Variants in FBXL7 observed in about 807,000 individuals in gnomAD.
FBXL7 encodes the protein F-box and leucine rich repeat protein 7.
FBXL7 carries 12 observed loss-of-function variants against 38.3 expected under a neutral mutation model. That is an observed-to-expected ratio of 0.31 (90% confidence interval 0.20 to 0.51). FBXL7 has a LOEUF of 0.51. FBXL7 is among the 20% of genes least tolerant of loss of function. The probability of loss-of-function intolerance (pLI) is 0.98; values close to 1 mark genes in which losing one functional copy is unlikely to be tolerated. For missense variants in FBXL7, 567 were observed against 676.4 expected (o/e 0.84, Z 1.79); for synonymous variants, 297 against 300.9 (o/e 0.99, Z 0.13).
At chr5:15,583,993 C>T (rs1236833074) in intron 1 of FBXL7, among the ~76,000 whole-genome samples, 1 of 152,186 alleles carries the variant, frequency 6.6e-6, no homozygotes, top group Admixed American at 6.5e-5. Flanking sequence ...TTCTCTGCAC[C>T]CACAGGCTCA....
intron 2 of FBXL7, among the ~76,000 whole-genome samples, chr5:15,836,380 T>A (rs1229858783): frequency 6.6e-6 from 1 of 152,074 alleles, no homozygotes; most frequent in African/African-American, 2.4e-5. Context: ...ATGAGAGCTA[T>A]ACAGAACAAA....
rs574753477 is a variant in FBXL7, at chr5:15,930,285, A to C, written c.739+1784A>C. Among the ~76,000 whole-genome samples, 3 of 152,306 alleles carry C rather than the reference A, an allele frequency of 2.0e-5. No individual in the cohort carries two copies. The East Asian group carries it at 5.8e-4, about 29-fold the overall frequency. ...AAAACTTTGTGATTTAGAAAAGTTC[A>C]CAGCTTTTTCTAGATGTGTTTCCTC... On this transcript the variant is annotated intron_variant, in intron 3 of 3. Transcript: ENST00000504595.
At chr5:15,714,923 T>C (rs969179606) in intron 2 of FBXL7, among the ~76,000 whole-genome samples, 3 of 149,238 alleles carry the variant, frequency 2.0e-5, no homozygotes, top group Non-Finnish European at 4.4e-5. Context: ...AGTAGAGAGA[T>C]TGGAGGTGCT....
intron 2 of FBXL7, among the ~76,000 whole-genome samples, chr5:15,802,374 C>A (rs1234170748): frequency 1.3e-5 from 2 of 151,788 alleles, no homozygotes; most frequent in Admixed American, 6.6e-5. Context: ...TGTATGACCA[C>A]CCCCACCCCG....
At chr5:15,901,768 A>T (rs892688020) in intron 2 of FBXL7, among the ~76,000 whole-genome samples, 1 of 152,186 alleles carries the variant, frequency 6.6e-6, no homozygotes, top group Admixed American at 6.5e-5. Flanking sequence ...ATACTCATTC[A>T]TGAGTGTTAA....
intron 1 of FBXL7, among the ~76,000 whole-genome samples, chr5:15,528,885 A>C (rs1737332361): frequency 6.6e-6 from 1 of 152,238 alleles, no homozygotes; most frequent in Non-Finnish European, 1.5e-5. Context: ...GGAATAGCTA[A>C]ATCAAGCTAA....
At chr5:15,540,128 C>T (rs1425467717) in intron 1 of FBXL7, among the ~76,000 whole-genome samples, 1 of 152,112 alleles carries the variant, frequency 6.6e-6, no homozygotes, top group Non-Finnish European at 1.5e-5. Flanking sequence ...CATGCAAAAG[C>T]TCATGAGTCA....
chr5:15,798,218 T>C (rs566051460), intron 2 of FBXL7, among the ~76,000 whole-genome samples: 3 of 152,288 alleles, frequency 2.0e-5, no homozygotes, highest in Admixed American at 2.0e-4. Flanking sequence ...AGCAAACATA[T>C]CTGTCTTGAA....
At chr5:15,745,977 TGA>T (rs1320958790) in intron 2 of FBXL7, among the ~76,000 whole-genome samples, 1 of 152,066 alleles carries the variant, frequency 6.6e-6, no homozygotes, top group Non-Finnish European at 1.5e-5. Flanking sequence ...TCTTTCCAAA[TGA>T]GAGAGGATGG....
intron 2 of FBXL7, among the ~76,000 whole-genome samples, chr5:15,759,444 G>A (rs1317305425): frequency 6.6e-6 from 1 of 151,958 alleles, no homozygotes; most frequent in Non-Finnish European, 1.5e-5. Flanking sequence ...AATTCCCATT[G>A]ACTGCCTTTG....
intron 2 of FBXL7, among the ~76,000 whole-genome samples, chr5:15,676,415 C>T (rs1229013502): frequency 2.0e-5 from 3 of 152,218 alleles, no homozygotes; most frequent in Non-Finnish European, 4.4e-5. Flanking sequence ...AAGGTTTTCA[C>T]TGGACTTTGT....
intron 1 of FBXL7, among the ~76,000 whole-genome samples, chr5:15,534,718 G>A (rs1435195492): frequency 6.6e-6 from 1 of 152,168 alleles, no homozygotes; most frequent in Non-Finnish European, 1.5e-5. Flanking sequence ...AGTTTACTTA[G>A]TTTTGAAGAA....
At chr5:15,745,984 G>A (rs866964176) in intron 2 of FBXL7, among the ~76,000 whole-genome samples, 67 of 152,308 alleles carry the variant, frequency 4.4e-4, no homozygotes, top group African/African-American at 1.6e-3. Flanking sequence ...AAATGAGAGA[G>A]GATGGATAGT....
intron 2 of FBXL7, among the ~76,000 whole-genome samples, chr5:15,768,599 G>T (rs10520824): frequency 6.6e-6 from 1 of 151,934 alleles, no homozygotes; most frequent in Non-Finnish European, 1.5e-5. Context: ...TAGAAATTTA[G>T]TACAGAACCA....
chr5:15,670,067 GTGTAACATGA>G (rs1455465531), intron 2 of FBXL7, among the ~76,000 whole-genome samples: 1 of 152,170 alleles, frequency 6.6e-6, no homozygotes, highest in East Asian at 1.9e-4. Context: ...TGTAGCAGAT[GTGTAACATGA>G]GTGAGGGAAA....
In FBXL7 at chr5:15,717,101, CT is replaced by C. The variant is rs1281042594; in HGVS notation, c.127+101031del. 1.2e-4 allele frequency among the ~76,000 whole-genome samples: 19 copies of C among 152,166 alleles called. 1 individual carries two copies. The highest frequency in any genetic ancestry group is 4.6e-4 in the African/African-American group (19 of 41,440). On this transcript the variant is annotated intron_variant, in intron 2 of 3. Coordinates refer to ENST00000504595, the MANE Select transcript of FBXL7 (RefSeq NM_012304.5). ...TCCATATGATTAAAGATCTTATTATCTTCAAAGACTTACAGATAAAGCAAGT... is the reference window on the plus strand; with the variant it reads ...TCCATATGATTAAAGATCTTATTATCTCAAAGACTTACAGATAAAGCAAGT...
At chr5:15,847,700 G>A (rs1361660027) in intron 2 of FBXL7, among the ~76,000 whole-genome samples, 4 of 152,094 alleles carry the variant, frequency 2.6e-5, no homozygotes, top group Non-Finnish European at 5.9e-5. Flanking sequence ...TAATTGAAAG[G>A]GAGATTATCC....
chr5:15,917,396 A>G (rs1741610664), intron 2 of FBXL7, among the ~76,000 whole-genome samples: 1 of 152,186 alleles, frequency 6.6e-6, no homozygotes, highest in Admixed American at 6.5e-5. Flanking sequence ...AGATCACTTG[A>G]GCCCAGGAGT....
intron 2 of FBXL7, among the ~76,000 whole-genome samples, chr5:15,727,023 G>A (rs937023486): frequency 6.6e-6 from 1 of 151,758 alleles, no homozygotes; most frequent in African/African-American, 2.4e-5. Flanking sequence ...ATTACCATAA[G>A]GATTACATTT....
Sources: gnomAD v4.1 joint callset for allele counts (sites outside exome capture counted in the v4.1 genomes callset) on GRCh38, gnomAD v4.1.1 for gene constraint, MANE v1.5 for transcripts, NCBI Gene and HGNC (gene_info 2026-07-23, HGNC 2026-07-21) for gene names.